Variants in TMCO4 observed in about 807,000 individuals in gnomAD.
The protein encoded by TMCO4 is transmembrane and coiled-coil domains 4.
In TMCO4, 58 loss-of-function variants were observed where a neutral mutation model predicts 64.7. That is an observed-to-expected ratio of 0.90 (90% confidence interval 0.73 to 1.12). The LOEUF is 1.12. Ranked by LOEUF, TMCO4 falls within the 50% of genes most tolerant of loss-of-function variation. The pLI is 0.00. For missense variants in TMCO4, 780 were observed against 825.9 expected, an observed-to-expected ratio of 0.94 and a Z score of 0.68; for synonymous variants, 325 against 346.1, an observed-to-expected ratio of 0.94 and a Z score of 0.68.
chr1:19,721,110 T>C (rs374531835), intron 13 of TMCO4, among the ~76,000 whole-genome samples: 9 of 152,144 alleles, frequency 5.9e-5, no homozygotes, highest in African/African-American at 1.9e-4. Context: ...TCTTCTGTTG[T>C]TGTTATGGAC....
chr1:19,707,814 G>C (rs960967380), intron 13 of TMCO4, among the ~76,000 whole-genome samples: 1 of 152,144 alleles, frequency 6.6e-6, no homozygotes, highest in Non-Finnish European at 1.5e-5. Flanking sequence ...AGCATGACTG[G>C]GAGGCCTCAG....
chr1:19,703,399 C>G (rs2095284728), intron 13 of TMCO4, among the ~76,000 whole-genome samples: 2 of 152,116 alleles, frequency 1.3e-5, no homozygotes, highest in Admixed American at 6.5e-5. Flanking sequence ...CTGCCTCCCC[C>G]TTGTGGCACT....
chr1:19,735,705 C>T (rs1451527374), intron 13 of TMCO4, among the ~76,000 whole-genome samples: 1 of 152,180 alleles, frequency 6.6e-6, no homozygotes, highest in East Asian at 1.9e-4. Context: ...GAATTAAAGT[C>T]TTGCCTGTAC....
chr1:19,798,944 G>A (rs1369521423), intron 1 of TMCO4, among the ~76,000 whole-genome samples: 2 of 152,258 alleles, frequency 1.3e-5, no homozygotes, highest in African/African-American at 2.4e-5. Flanking sequence ...TAGGAAAAAG[G>A]GGGCTCATGT....
At chr1:19,757,540 A>G (rs1248831156) in intron 6 of TMCO4, among the ~76,000 whole-genome samples, 1 of 152,138 alleles carries the variant, frequency 6.6e-6, no homozygotes, top group Non-Finnish European at 1.5e-5. Flanking sequence ...ACATATTCAC[A>G]GTTGCCAGGG....
intron 13 of TMCO4, 33 bp downstream of exon 13, chr1:19,737,338 AG>A: frequency 6.3e-7 from 1 of 1,591,916 alleles, no homozygotes. Flanking sequence ...AAGCTTGTGA[AG>A]GGTTTCCGTC....
chr1:19,726,243 G>A (rs184661489), intron 13 of TMCO4, among the ~76,000 whole-genome samples: 152 of 152,260 alleles, frequency 1.0e-3, no homozygotes, highest in African/African-American at 3.5e-3. Context: ...AACAAAGATG[G>A]GCAAAGCACT....
At chr1:19,711,000 G>A (rs556959830) in intron 13 of TMCO4, among the ~76,000 whole-genome samples, 59 of 152,188 alleles carry the variant, frequency 3.9e-4, no homozygotes, top group Non-Finnish European at 7.1e-4. Flanking sequence ...CTTTGATGGA[G>A]AGTTAGGCAA....
chr1:19,687,861 C>T (rs1298762201), intron 15 of TMCO4, among the ~76,000 whole-genome samples: 1 of 152,192 alleles, frequency 6.6e-6, no homozygotes, highest in African/African-American at 2.4e-5. Flanking sequence ...TCCTCGACTA[C>T]AAGTTGGTCT....
intron 13 of TMCO4, among the ~76,000 whole-genome samples, chr1:19,726,459 G>C (rs1184007859): frequency 6.6e-6 from 1 of 150,856 alleles, no homozygotes; most frequent in African/African-American, 2.4e-5. Flanking sequence ...GCGAGACTCT[G>C]TCTTAAAAAA....
At chr1:19,693,180 A>G (rs1198953182) in intron 15 of TMCO4, among the ~76,000 whole-genome samples, 3 of 139,982 alleles carry the variant, frequency 2.1e-5, no homozygotes, top group Non-Finnish European at 3.1e-5. Context: ...AAAAAAAAAA[A>G]AAAAAAAAAA....
chr1:19,745,994 C>CA (rs2041763742), intron 9 of TMCO4, among the ~76,000 whole-genome samples: 1 of 152,172 alleles, frequency 6.6e-6, no homozygotes, highest in Admixed American at 6.5e-5. Flanking sequence ...AACAGTGAAT[C>CA]AAACAGACCA....
chr1:19,682,996 T>C lies in TMCO4; in HGVS notation c.*44A>G. 2.6e-6 allele frequency: 4 copies of C among 1,526,550 alleles called. No homozygotes were observed. Among genetic ancestry groups the C allele is most frequent in the Non-Finnish European group, 2.6e-6 (3 of 1,140,664 alleles). 94.6% of individuals were successfully genotyped at this position (1,526,550 alleles called of 1,614,324 possible). A position where few individuals can be genotyped will look rare whatever the true frequency, so the allele number is the denominator to read the frequency against. ...GGAACCCGAGGGTATAAGAGAGAGC[T>C]GCATATGGAGACTGGGGAAGACGGC... On this transcript the variant is annotated 3_prime_UTR_variant, in exon 16 of 16. Coordinates refer to ENST00000294543, the MANE Select transcript of TMCO4 (RefSeq NM_181719.7).
At chr1:19,704,359 C>T (rs2095291165) in intron 13 of TMCO4, among the ~76,000 whole-genome samples, 2 of 152,198 alleles carry the variant, frequency 1.3e-5, no homozygotes. Context: ...CCTTAGAGAT[C>T]AACGCGATTT....
chr1:19,741,016 G>C, intron 10 of TMCO4, 75 bp from the exon 11 acceptor site: 1 of 1,448,174 alleles, frequency 6.9e-7, no homozygotes, highest in Non-Finnish European at 9.2e-7. Flanking sequence ...CCCAGACAAG[G>C]AGCACCAGGA....
intron 13 of TMCO4, among the ~76,000 whole-genome samples, chr1:19,718,226 T>G (rs1409931189): frequency 6.6e-6 from 1 of 151,926 alleles, no homozygotes; most frequent in Non-Finnish European, 1.5e-5. Context: ...TCCCAGCTAC[T>G]TGAGAGGCTG....
In TMCO4 at chr1:19,683,394, G is replaced by A. The variant is rs781015291; in HGVS notation, c.1551C>T (p.Ala517=). Residue 517 remains alanine, a synonymous_variant, in exon 16 of 16, where the codon GCC becomes GCT. Coordinates refer to ENST00000294543, the MANE Select transcript of TMCO4 (RefSeq NM_181719.7). ...AGCCTGGCTTGGTGCGGATGCCCAC[G>A]GCCTTCAGGATGGCATCCATCTGCT... ...YAKQMDAILK[A]VGIRTKPGWD... 1.1e-5 allele frequency: 17 copies of A among 1,613,516 alleles called. 1 individual carries two copies. The Admixed American group carries it at 1.3e-4, about 13-fold the overall frequency.
intron 15 of TMCO4, among the ~76,000 whole-genome samples, chr1:19,685,713 T>TTTTTTTC (rs2095142920): frequency 2.4e-5 from 2 of 82,218 alleles, no homozygotes; most frequent in South Asian, 4.4e-4. Context: ...CCTGTTTCTT[T>TTTTTTTC]TTTTTTTTTT....
intron 6 of TMCO4, 42 bp downstream of exon 6, chr1:19,770,500 G>T: frequency 6.2e-7 from 1 of 1,612,878 alleles, no homozygotes; most frequent in Non-Finnish European, 8.5e-7. Context: ...CAAGGGTGCA[G>T]ATGGGTACCC....
Sources: gnomAD v4.1 joint callset for allele counts (sites outside exome capture counted in the v4.1 genomes callset) on GRCh38, gnomAD v4.1.1 for gene constraint, MANE v1.5 for transcripts, NCBI Gene and HGNC (gene_info 2026-07-23, HGNC 2026-07-21) for gene names.